Variants in PPARGC1A observed in about 807,000 individuals in gnomAD.
The protein encoded by PPARGC1A is peroxisome proliferator-activated receptor gamma coactivator 1-alpha.
A neutral mutation model predicts 88.7 loss-of-function variants in PPARGC1A; 25 were observed. That is an observed-to-expected ratio of 0.28 (90% CI 0.21 to 0.39). PPARGC1A has a LOEUF of 0.39. Among genes scored for constraint, PPARGC1A ranks in the 10% least tolerant of loss-of-function variants. The probability of loss-of-function intolerance (pLI) is 1.00; values close to 1 mark genes in which losing one functional copy is unlikely to be tolerated. For synonymous variants in PPARGC1A, 363 were observed against 355.6 expected (o/e 1.02, Z -0.24); for missense variants, 880 against 968.7 (o/e 0.91, Z 1.22).
the PPARGC1A span, among the ~76,000 whole-genome samples, chr4:24,345,354 T>C: frequency 6.6e-6 from 1 of 152,172 alleles, no homozygotes; most frequent in Non-Finnish European, 1.5e-5. Context: ...TTTGGCAGTA[T>C]GGTCATTTTC....
At chr4:24,095,269 T>A in the PPARGC1A span, among the ~76,000 whole-genome samples, 1 of 151,772 alleles carries the variant, frequency 6.6e-6, no homozygotes, top group Non-Finnish European at 1.5e-5. Flanking sequence ...AGGCACACAC[T>A]ACCATGCCGG....
At chr4:23,814,639 G>A (rs954986373) in intron 7 of PPARGC1A, 34 bp from the exon 8 acceptor site, 7 of 1,315,084 alleles carry the variant, frequency 5.3e-6, no homozygotes, top group South Asian at 1.5e-5. Flanking sequence ...AAAAAAAAGA[G>A]AGAGAAAGAA....
chr4:23,886,029 C>G (rs1716816512), intron 1 of PPARGC1A, among the ~76,000 whole-genome samples: 1 of 152,120 alleles, frequency 6.6e-6, no homozygotes, highest in Non-Finnish European at 1.5e-5. Context: ...GGCTACCTAA[C>G]CGCTAATGTC....
the PPARGC1A span, among the ~76,000 whole-genome samples, chr4:24,394,546 G>A: frequency 6.6e-6 from 1 of 152,182 alleles, no homozygotes; most frequent in Non-Finnish European, 1.5e-5. Flanking sequence ...GAAAAGCTAA[G>A]AGATCAGCTC....
the PPARGC1A span, among the ~76,000 whole-genome samples, chr4:24,095,276 C>A: frequency 3.3e-5 from 5 of 151,838 alleles, no homozygotes; most frequent in Non-Finnish European, 7.4e-5. Context: ...CACTACCATG[C>A]CGGCTAATTT....
At chr4:24,468,773 T>A in the PPARGC1A span, among the ~76,000 whole-genome samples, 1 of 149,318 alleles carries the variant, frequency 6.7e-6, no homozygotes, top group African/African-American at 2.5e-5. Context: ...ATCTTCATTA[T>A]TTTTTTTTTA....
At chr4:24,009,864 C>T in the PPARGC1A span, among the ~76,000 whole-genome samples, 1 of 152,166 alleles carries the variant, frequency 6.6e-6, no homozygotes, top group East Asian at 1.9e-4. Context: ...GTTTAACCTG[C>T]TATTTTACAC....
the PPARGC1A span, among the ~76,000 whole-genome samples, chr4:24,345,128 A>G: frequency 6.6e-6 from 1 of 152,072 alleles, no homozygotes; most frequent in Non-Finnish European, 1.5e-5. Flanking sequence ...CTATTTTTAT[A>G]CCAGTACCAC....
the PPARGC1A span, among the ~76,000 whole-genome samples, chr4:24,179,482 C>T: frequency 6.6e-6 from 1 of 151,478 alleles, no homozygotes; most frequent in African/African-American, 2.4e-5. Context: ...CTTCCATGTT[C>T]TCTCTCTCTC....
chr4:23,889,907 G>A lies in PPARGC1A; in HGVS notation c.51C>T (p.Ile17=). The change falls in exon 1 of 13, where the codon ATC becomes ATT. Residue 17 remains isoleucine, a synonymous_variant. Coordinates refer to ENST00000264867, the MANE Select transcript of PPARGC1A (RefSeq NM_013261.5). ...NQDSESVWSD[I]ECAALVGEDQ... ...GCCGAGCCCTGCCCCAGCTCACCTC[G>A]ATGTCACTCCATACAGACTCAGAGT... 6.2e-7 allele frequency: 1 copy of A among 1,613,472 alleles called. No homozygotes were observed. The highest frequency in any genetic ancestry group is 1.3e-5 in the African/African-American group (1 of 75,018).
chr4:24,270,371 G>A, the PPARGC1A span, among the ~76,000 whole-genome samples: 11 of 95,262 alleles, frequency 1.2e-4, no homozygotes, highest in South Asian at 1.7e-3. Flanking sequence ...GTGTAAAATC[G>A]GCTCTTGGGT....
the PPARGC1A span, among the ~76,000 whole-genome samples, chr4:24,122,764 G>T: frequency 6.6e-6 from 1 of 152,130 alleles, no homozygotes; most frequent in Non-Finnish European, 1.5e-5. Context: ...CTTCAAGGAG[G>T]TGACTGAATA....
the PPARGC1A span, among the ~76,000 whole-genome samples, chr4:24,294,211 G>A: frequency 0.62 from 94,808 of 151,946 alleles, 29,824 homozygotes; most frequent in Admixed American, 0.69. Flanking sequence ...ACCTATCCCT[G>A]GGGCTTTTGT....
the PPARGC1A span, among the ~76,000 whole-genome samples, chr4:24,216,145 T>A: frequency 3.5e-4 from 3 of 8,542 alleles, no homozygotes; most frequent in Non-Finnish European, 1.8e-3. Context: ...GCTAACTCTT[T>A]TTTTTTTTTT....
the PPARGC1A span, among the ~76,000 whole-genome samples, chr4:23,958,486 T>G: frequency 2.6e-5 from 4 of 152,262 alleles, no homozygotes; most frequent in East Asian, 7.7e-4. Flanking sequence ...CTTTATGTTT[T>G]CTAAAACTCT....
At chr4:24,432,165 G>C in the PPARGC1A span, among the ~76,000 whole-genome samples, 2 of 152,166 alleles carry the variant, frequency 1.3e-5, no homozygotes, top group East Asian at 3.9e-4. Flanking sequence ...AGTTAAAAGA[G>C]GGGGAAAGCA....
chr4:23,825,475 TTCTTA>T (rs1208286629), intron 5 of PPARGC1A, among the ~76,000 whole-genome samples: 2 of 152,118 alleles, frequency 1.3e-5, no homozygotes, highest in Non-Finnish European at 2.9e-5. Context: ...AGAATAAAGT[TTCTTA>T]TCTTATGGTT....
chr4:24,290,026 T>C, the PPARGC1A span, among the ~76,000 whole-genome samples: 1 of 152,142 alleles, frequency 6.6e-6, no homozygotes, highest in African/African-American at 2.4e-5. Context: ...GGAACTCCCA[T>C]TTATGAAACC....
chr4:24,004,960 C>T, the PPARGC1A span, among the ~76,000 whole-genome samples: 1 of 152,150 alleles, frequency 6.6e-6, no homozygotes, highest in African/African-American at 2.4e-5. Context: ...TCATTCCATA[C>T]TAACTTACCT....
Sources: allele counts gnomAD v4.1 joint callset (sites outside exome capture counted in the v4.1 genomes callset), GRCh38; gene constraint gnomAD v4.1.1; transcripts MANE v1.5; gene names NCBI Gene and HGNC (gene_info 2026-07-23, HGNC 2026-07-21).